Variants in C1QTNF6 observed in about 807,000 individuals in gnomAD.
C1QTNF6 encodes the protein complement C1q tumor necrosis factor-related protein 6.
Under a neutral mutation model 20.7 loss-of-function variants are expected in C1QTNF6, and 17 were observed. That is an observed-to-expected ratio of 0.82 (90% CI 0.56 to 1.23). C1QTNF6 has a LOEUF of 1.23. C1QTNF6 is among the 50% of genes most tolerant of loss of function. The pLI, the probability that C1QTNF6 is intolerant of heterozygous loss-of-function variation, is 0.00. For missense variants in C1QTNF6, 329 were observed against 389.7 expected (o/e 0.84, Z 1.31); for synonymous variants, 130 against 156.3 (o/e 0.83, Z 1.25).
In C1QTNF6 at chr22:37,184,481, A is replaced by G; in HGVS notation, c.289+737T>C. The G allele has an allele frequency of 1.4e-6, 1 of 714,656 alleles. No homozygotes were observed. The highest frequency in any genetic ancestry group is 2.6e-6 in the Non-Finnish European group (1 of 384,534). 44.3% of individuals were successfully genotyped at this position (714,656 alleles called of 1,614,324 possible). The stretch of plus-strand genomic sequence containing the variant: ...GCCAGCCCGCACCTGGACGGCCCTC[A>G]CCTGGATGCCTTTCACCTGGACGGG... On this transcript the variant is annotated intron_variant, in intron 2 of 2. Coordinates refer to ENST00000337843, the MANE Select transcript of C1QTNF6 (RefSeq NM_031910.4). The surrounding 1 kb of genome is among the most constrained non-coding windows in gnomAD (Gnocchi z 4.0).
Position 37,184,280 on chromosome 22 carries a change from G to T in C1QTNF6, c.289+938C>A, listed in dbSNP as rs988338558. ...TGGCTCCATCCCTGACAGCTGTGTG[G>T]CCCCAGGAGACTGGGTTTCCCCATC... On this transcript the variant is annotated intron_variant, in intron 2 of 2. Transcript: ENST00000337843. This position sits in a 1 kb window ranked among gnomAD's most constrained non-coding sequence, Gnocchi z 4.0. The T allele has an allele frequency of 5.7e-6, 4 of 703,306 alleles. No homozygotes were observed. The highest frequency in any genetic ancestry group is 1.1e-5 in the Non-Finnish European group (4 of 376,152). The allele number at this position is 703,306 out of a possible 1,614,324, so 43.6% of individuals were successfully genotyped here. A position where few individuals can be genotyped will look rare whatever the true frequency, so the allele number is the denominator to read the frequency against.
intron 2 of C1QTNF6, among the ~76,000 whole-genome samples, chr22:37,183,335 G>A (rs1923970998): frequency 6.6e-6 from 1 of 152,220 alleles, no homozygotes; most frequent in Non-Finnish European, 1.5e-5. Flanking sequence ...GTGTTTGTGA[G>A]CCCTCAACAA....
rs1260814945 is a variant in C1QTNF6, at chr22:37,184,375, G to T, written c.289+843C>A. The T allele has an allele frequency of 2.8e-6, 2 of 717,334 alleles. No homozygotes were observed. The highest frequency in any genetic ancestry group is 5.2e-6 in the Non-Finnish European group (2 of 385,050). The allele number at this position is 717,334 out of a possible 1,614,324, so 44.4% of individuals were successfully genotyped here. On this transcript the variant is annotated intron_variant, in intron 2 of 2. Coordinates refer to ENST00000337843, the MANE Select transcript of C1QTNF6 (RefSeq NM_031910.4). This position sits in a 1 kb window ranked among gnomAD's most constrained non-coding sequence, Gnocchi z 4.0. Reference sequence around the variant, plus strand: ...GTGGGCAGAGACGGACGCTAAGGATGTCAAGGCCTGGTCACAGCCGTCAGC... The same window carrying T: ...GTGGGCAGAGACGGACGCTAAGGATTTCAAGGCCTGGTCACAGCCGTCAGC...
chr22:37,187,957 C>CGGGTAGGGGCGGGCACAA (rs1297135016), intron 1 of C1QTNF6, among the ~76,000 whole-genome samples: 1 of 152,004 alleles, frequency 6.6e-6, no homozygotes, highest in East Asian at 1.9e-4. Context: ...TGTGTGTGCC[C>CGGGTAGGGGCGGGCACAA]GGGTAGGGGC....
intron 2 of C1QTNF6, among the ~76,000 whole-genome samples, chr22:37,193,557 G>GGC (rs1924945794): frequency 6.6e-6 from 1 of 152,172 alleles, no homozygotes; most frequent in South Asian, 2.1e-4. Context: ...TGTATAGCTT[G>GGC]GATATCCATT....
upstream of C1QTNF6, chr22:37,188,329 C>A: frequency 1.5e-4 from 95 of 625,406 alleles, no homozygotes; most frequent in Middle Eastern, 5.9e-4. Context: ...GGAGGGAGGG[C>A]GGAGGGAGAG....
intron 2 of C1QTNF6, chr22:37,182,984 C>T (rs1923939322): frequency 1.5e-6 from 2 of 1,344,376 alleles, no homozygotes; most frequent in African/African-American, 1.5e-5. Context: ...GCAGAAGAGG[C>T]AGGACTTAAA....
At chr22:37,198,775 C>T (rs1285814281), upstream of C1QTNF6, among the ~76,000 whole-genome samples, 1 of 152,062 alleles carries the variant, frequency 6.6e-6, no homozygotes, top group Non-Finnish European at 1.5e-5. Context: ...GCTTCTTCCT[C>T]CAAACCCCCG....
rs933788441 is a variant in C1QTNF6 at position 37,181,761 on chromosome 22, G to A, written c.*427C>T. ...AATGTTCAGAAAGTACTAGAATATT[G>A]AGAAAGTCCTAGAACCTGGTTGCTC... On this transcript the variant is annotated 3_prime_UTR_variant, in exon 3 of 3. Transcript: ENST00000337843. 2.3e-5 allele frequency: 4 copies of A among 174,978 alleles called. No individual in the cohort carries two copies. Among genetic ancestry groups the A allele is most frequent in the African/African-American group, 7.2e-5 (3 of 41,942 alleles). The allele number at this position is 174,978 out of a possible 1,614,324, so 10.8% of individuals were successfully genotyped here. A position where few individuals can be genotyped will look rare whatever the true frequency, so the allele number is the denominator to read the frequency against.
chr22:37,194,931 G>A (rs1164613260), intron 2 of C1QTNF6, among the ~76,000 whole-genome samples: 2 of 152,222 alleles, frequency 1.3e-5, no homozygotes, highest in Non-Finnish European at 2.9e-5. Context: ...AGAAGCTGAG[G>A]AGCTCAGGGA....
chr22:37,183,312 G>A (rs1035455932), intron 2 of C1QTNF6, among the ~76,000 whole-genome samples: 2 of 152,250 alleles, frequency 1.3e-5, no homozygotes, highest in African/African-American at 4.8e-5. Flanking sequence ...AGAGGATTAT[G>A]TCCACCTCAG....
rs1363515568 is a variant in C1QTNF6 at position 37,184,156 on chromosome 22, C to G, written c.289+1062G>C. Among the ~76,000 whole-genome samples the G allele has an allele frequency of 6.6e-6, 1 of 152,068 alleles. No homozygotes were observed. The highest frequency in any genetic ancestry group is 1.5e-5 in the Non-Finnish European group (1 of 68,004). On this transcript the variant is annotated intron_variant, in intron 2 of 2. Transcript: ENST00000337843. This position sits in a 1 kb window ranked among gnomAD's most constrained non-coding sequence, Gnocchi z 4.0. The stretch of plus-strand genomic sequence containing the variant: ...GTGGGGAGGGGGGTGTGAGGAAGAG[C>G]AACGTCCTCACCACGAAATCAGAAC...
rs1167779249 is a variant in C1QTNF6 at position 37,184,621 on chromosome 22, GAC to G, written c.289+595_289+596del. 2.0e-5 allele frequency among the ~76,000 whole-genome samples: 3 copies of G among 152,054 alleles called. No homozygotes were observed. The highest frequency in any genetic ancestry group is 7.3e-5 in the African/African-American group (3 of 41,376). ...GGCCCCCGCTGGTTGCTCTCCACAT[GAC>G]ATTAGAGGGATCCATTTGAAACCTG... is the stretch of plus-strand genomic sequence containing the variant. On this transcript the variant is annotated intron_variant, in intron 2 of 2. Coordinates refer to ENST00000337843, the MANE Select transcript of C1QTNF6 (RefSeq NM_031910.4). This position sits in a 1 kb window ranked among gnomAD's most constrained non-coding sequence, Gnocchi z 4.0.
intron 2 of C1QTNF6, 57 bp from the exon 3 acceptor site, chr22:37,182,792 G>T: frequency 6.7e-7 from 1 of 1,497,464 alleles, no homozygotes; most frequent in Non-Finnish European, 8.9e-7. Context: ...CTCCAAGGAG[G>T]TGCCCACACT....
upstream of C1QTNF6, among the ~76,000 whole-genome samples, chr22:37,191,342 T>G (rs993990513): frequency 6.6e-6 from 1 of 152,204 alleles, no homozygotes; most frequent in Non-Finnish European, 1.5e-5. Flanking sequence ...GAGTTTCCCA[T>G]AATTTTGGAA....
intron 1 of C1QTNF6, chr22:37,186,134 G>T: frequency 1.0e-6 from 1 of 985,510 alleles, no homozygotes; most frequent in Non-Finnish European, 1.2e-6. Context: ...CGCGGTGATG[G>T]TGTCATTGCA....
At chr22:37,189,235 G>T (rs1244094378), upstream of C1QTNF6, among the ~76,000 whole-genome samples, 1 of 152,162 alleles carries the variant, frequency 6.6e-6, no homozygotes, top group Admixed American at 6.5e-5. Flanking sequence ...GAGCAATAAG[G>T]ATGACCAGAT....
At chr22:37,185,111 A>C in intron 2 of C1QTNF6, 107 bp downstream of exon 2, 2 of 1,452,044 alleles carry the variant, frequency 1.4e-6, no homozygotes, top group Non-Finnish European at 1.8e-6. Context: ...TCAATAACTC[A>C]GGATGAAAGA....
At position 37,185,722 on chromosome 22, in the gene C1QTNF6, G is replaced by A. The variant is rs139829893; in HGVS notation, c.52-267C>T. 239 of 1,132,980 alleles carry A rather than the reference G, an allele frequency of 2.1e-4. No individual in the cohort carries two copies. The African/African-American group carries it at 2.4e-3, about 12-fold the overall frequency. 70.2% of individuals were successfully genotyped at this position (1,132,980 alleles called of 1,614,324 possible). A position where few individuals can be genotyped will look rare whatever the true frequency, so the allele number is the denominator to read the frequency against. Reference sequence around the variant, plus strand: ...CCATGGAGGCTTCTGCTCCACACAGGCCTTGGAAGGATGAAGCCCCTCTGA... The same window carrying A: ...CCATGGAGGCTTCTGCTCCACACAGACCTTGGAAGGATGAAGCCCCTCTGA... On this transcript the variant is annotated intron_variant, in intron 1 of 2. Coordinates refer to ENST00000337843, the MANE Select transcript of C1QTNF6 (RefSeq NM_031910.4).
Sources: allele counts gnomAD v4.1 joint callset (sites outside exome capture counted in the v4.1 genomes callset), GRCh38; gene constraint gnomAD v4.1.1; non-coding constraint Gnocchi (gnomAD v3.1); transcripts MANE v1.5; gene names NCBI Gene and HGNC (gene_info 2026-07-23, HGNC 2026-07-21).